The following SHCBP1L variants were observed in gnomAD, a reference collection of about 807,000 sequenced individuals.
SHCBP1L encodes testicular spindle-associated protein SHCBP1L.
A neutral mutation model predicts 62.5 loss-of-function variants in SHCBP1L; 67 were observed. The observed-to-expected ratio is 1.07, with a 90% CI of 0.88 to 1.31. The LOEUF (loss-of-function observed/expected upper bound fraction) is 1.31, where lower values mean the gene tolerates loss of function less well. Ranked by LOEUF, SHCBP1L falls within the 40% of genes most tolerant of loss-of-function variation. The probability of loss-of-function intolerance (pLI) is 0.00; values close to 1 mark genes in which losing one functional copy is unlikely to be tolerated. For missense variants in SHCBP1L, 823 were observed against 809.8 expected, an observed-to-expected ratio of 1.02 and a Z score of -0.20; for synonymous variants, 284 against 289.4, an observed-to-expected ratio of 0.98 and a Z score of 0.19.
intron 6 of SHCBP1L, among the ~76,000 whole-genome samples, chr1:182,915,495 A>G (rs1650329494): frequency 6.6e-6 from 1 of 152,208 alleles, no homozygotes; most frequent in Non-Finnish European, 1.5e-5. Context: ...ATAGTTGAAG[A>G]TTTCTATACC....
At chr1:182,930,547 GTGTGTATATATATATATATA>G (rs1423259701) in intron 5 of SHCBP1L, among the ~76,000 whole-genome samples, 4,946 of 92,776 alleles carry the variant, frequency 0.053, 548 homozygotes, top group African/African-American at 0.18. Context: ...GCTTTAGTGT[GTGTGTATATATATATATATA>G]TATATATATA....
chr1:182,927,235 T>A (rs1408317549), intron 6 of SHCBP1L, among the ~76,000 whole-genome samples: 1 of 151,584 alleles, frequency 6.6e-6, no homozygotes, highest in Non-Finnish European at 1.5e-5. Context: ...GGTATCTAAC[T>A]ACAAAGTCCA....
At chr1:182,934,492 G>A (rs1040774024) in intron 5 of SHCBP1L, among the ~76,000 whole-genome samples, 1 of 151,928 alleles carries the variant, frequency 6.6e-6, no homozygotes, top group Non-Finnish European at 1.5e-5. Context: ...TGTCTTCTTC[G>A]GTAAGGTGTC....
chr1:182,930,701 GTGTA>G (rs1213347530), intron 5 of SHCBP1L, among the ~76,000 whole-genome samples: 49 of 38,462 alleles, frequency 1.3e-3, no homozygotes, highest in African/African-American at 4.5e-3. Context: ...GTGTGTGTGT[GTGTA>G]TATATATATA....
rs553504222 is a variant in SHCBP1L at position 182,913,033 on chromosome 1, G to A, written c.1183-7384C>T. 8.5e-4 allele frequency among the ~76,000 whole-genome samples: 129 copies of A among 151,984 alleles called. 1 individual carries two copies. The highest frequency in any genetic ancestry group is 2.9e-3 in the African/African-American group (120 of 41,496). ...GCCTGTAATCCCAGCTACTCAGGAG[G>A]CTGAGGCAGGAGAATCGCTTGAACC... is the stretch of plus-strand genomic sequence containing the variant. On this transcript the variant is annotated intron_variant, in intron 6 of 9. Coordinates refer to ENST00000367547, the MANE Select transcript of SHCBP1L (RefSeq NM_030933.4).
At chr1:182,939,973 C>T (rs1033130705) in intron 3 of SHCBP1L, among the ~76,000 whole-genome samples, 1 of 151,712 alleles carries the variant, frequency 6.6e-6, no homozygotes, top group Non-Finnish European at 1.5e-5. Context: ...ATGATGATAT[C>T]TAGTATTTGT....
At chr1:182,929,602 C>A (rs762920303) in intron 6 of SHCBP1L, 45 bp downstream of exon 6, 1 of 1,310,192 alleles carries the variant, frequency 7.6e-7, no homozygotes, top group Non-Finnish European at 1.0e-6. Flanking sequence ...TCCGATTATA[C>A]ACAGCTAATA....
Position 182,940,336 on chromosome 1 carries a change from C to G in SHCBP1L, c.763G>C (p.Val255Leu). 2 of 1,613,238 alleles carry G rather than the reference C, an allele frequency of 1.2e-6. No homozygotes were observed. The highest frequency in any genetic ancestry group is 1.7e-6 in the Non-Finnish European group (2 of 1,179,606). Reference protein sequence around the residue: ...DIHVIALALEVVRFFYDFLWR... With the variant: ...DIHVIALALELVRFFYDFLWR... The stretch of plus-strand genomic sequence containing the variant: ...AAGTAAAGGCCCTAATACCTGACAA[C>G]TTCCAAGGCCAAAGCAATAACATGT... The change falls in exon 3 of 10, where the codon GTT becomes CTT. Residue 255 changes from valine to leucine, a missense_variant. By Grantham distance (32) the Val-to-Leu change is conservative. Coordinates refer to ENST00000367547, the MANE Select transcript of SHCBP1L (RefSeq NM_030933.4).
chr1:182,900,259 G>A (rs752179527), intron 9 of SHCBP1L, 25 bp from the exon 10 acceptor site: 1 of 1,500,172 alleles, frequency 6.7e-7, no homozygotes. Flanking sequence ...GAGGAAATTA[G>A]TTTTTCAATG....
chr1:182,948,706 G>C (rs1651649885), intron 2 of SHCBP1L, among the ~76,000 whole-genome samples: 1 of 152,100 alleles, frequency 6.6e-6, no homozygotes, highest in African/African-American at 2.4e-5. Context: ...GGCAGCAATA[G>C]AAAACTAATA....
chr1:182,931,616 A>G lies in SHCBP1L; in HGVS notation c.1077-1864T>C, dbSNP rs572207754. ...TTTTTCTTAATAGGCTTTATTTTTCAGAGCAGTTTCAGATTTTCAGCAAAG... is the reference window on the plus strand; with the variant it reads ...TTTTTCTTAATAGGCTTTATTTTTCGGAGCAGTTTCAGATTTTCAGCAAAG... On this transcript the variant is annotated intron_variant, in intron 5 of 9. Coordinates refer to ENST00000367547, the MANE Select transcript of SHCBP1L (RefSeq NM_030933.4). 3.4e-4 allele frequency among the ~76,000 whole-genome samples: 51 copies of G among 152,214 alleles called. No homozygotes were observed. In the South Asian group the frequency reaches 0.01, roughly 31 times the overall value.
chr1:182,939,617 G>T, intron 3 of SHCBP1L, 64 bp from the exon 4 acceptor site: 2 of 1,161,628 alleles, frequency 1.7e-6, no homozygotes, highest in African/African-American at 1.6e-5. Context: ...AGAGCTAAAT[G>T]GATATTCTGA....
At position 182,905,455 on chromosome 1, in the gene SHCBP1L, T is replaced by C. The variant is rs140013683; in HGVS notation, c.1336+41A>G. On this transcript the variant is annotated intron_variant, in intron 7 of 9. Coordinates refer to ENST00000367547, the MANE Select transcript of SHCBP1L (RefSeq NM_030933.4). ...TTTAGAATACACAATTTGTCCAGTATACATTGCTGTAAAAAAAACTACAAA... is the reference window on the plus strand; with the variant it reads ...TTTAGAATACACAATTTGTCCAGTACACATTGCTGTAAAAAAAACTACAAA... 8.1e-3 allele frequency: 12,878 copies of C among 1,595,440 alleles called. 83 individuals carry two copies. Among genetic ancestry groups the C allele is most frequent in the Admixed American group, 0.021 (1,218 of 58,686 alleles).
chr1:182,924,768 GAA>G (rs550344596), intron 6 of SHCBP1L, among the ~76,000 whole-genome samples: 119 of 93,220 alleles, frequency 1.3e-3, no homozygotes, highest in African/African-American at 3.7e-3. Context: ...AAGAAAGAAA[GAA>G]AGAAAGAAAG....
At chr1:182,950,196 C>CA (rs1287341243) in intron 2 of SHCBP1L, among the ~76,000 whole-genome samples, 1 of 152,064 alleles carries the variant, frequency 6.6e-6, no homozygotes, top group East Asian at 1.9e-4. Flanking sequence ...TTCTTGTATC[C>CA]AAAAATACAG....
chr1:182,904,040 G>T, intron 8 of SHCBP1L, 140 bp downstream of exon 8: 1 of 985,232 alleles, frequency 1.0e-6, no homozygotes, highest in Non-Finnish European at 1.5e-6. Context: ...TACTCATTTT[G>T]TTGATGTCTA....
intron 2 of SHCBP1L, among the ~76,000 whole-genome samples, chr1:182,946,218 C>CT (rs1651561830): frequency 6.6e-6 from 1 of 152,028 alleles, no homozygotes; most frequent in African/African-American, 2.4e-5. Flanking sequence ...TAAGTGGGCC[C>CT]TTTCAGTCTA....
rs568571147 is a variant in SHCBP1L at position 182,918,975 on chromosome 1, A to G, written c.1182+10672T>C. Among the ~76,000 whole-genome samples the G allele has an allele frequency of 2.6e-5, 4 of 152,342 alleles. No homozygotes were observed. The South Asian group carries it at 8.3e-4, about 32-fold the overall frequency. ...AAAGGATAAAGCTGAACCCAAACCC[A>G]ACACCATATACAAAAATTAACTCAA... On this transcript the variant is annotated intron_variant, in intron 6 of 9. Coordinates refer to ENST00000367547, the MANE Select transcript of SHCBP1L (RefSeq NM_030933.4).
intron 6 of SHCBP1L, among the ~76,000 whole-genome samples, chr1:182,928,555 C>T (rs866243148): frequency 1.1e-4 from 16 of 152,126 alleles, no homozygotes; most frequent in Middle Eastern, 3.4e-3. Flanking sequence ...AACAGTGGCT[C>T]AGCAGGCAGA....
Sources: gnomAD v4.1 joint callset for allele counts (sites outside exome capture counted in the v4.1 genomes callset) on GRCh38, gnomAD v4.1.1 for gene constraint, MANE v1.5 for transcripts, NCBI Gene and HGNC (gene_info 2026-07-23, HGNC 2026-07-21) for gene names.